The following TGFB2 variants were observed in gnomAD, a reference collection of about 807,000 sequenced individuals.
TGFB2 encodes transforming growth factor beta 2.
Under a neutral mutation model 42.7 loss-of-function variants are expected in TGFB2, and 13 were observed. The observed-to-expected ratio is 0.30, with a 90% CI of 0.20 to 0.48. The LOEUF is 0.48. TGFB2 is among the 20% of genes least tolerant of loss of function. TGFB2 has a pLI of 0.99. For missense variants in TGFB2, 390 were observed against 517.5 expected (o/e 0.75, Z 2.39); for synonymous variants, 193 against 193.6 (o/e 1.00, Z 0.03).
chr1:218,411,094 C>T (rs937408097), intron 2 of TGFB2, among the ~76,000 whole-genome samples: 4 of 152,144 alleles, frequency 2.6e-5, no homozygotes, highest in Admixed American at 6.5e-5. Flanking sequence ...GGACTTGGAG[C>T]TCTCCAGTAT....
rs142588546 is a variant in TGFB2 at position 218,434,180 on chromosome 1, A to G, written c.609A>G (p.Val203=). The G allele has an allele frequency of 3.7e-6, 6 of 1,614,094 alleles. No homozygotes were observed. Among genetic ancestry groups the G allele is most frequent in the Admixed American group, 1.7e-5 (1 of 60,010 alleles). The change falls in exon 3 of 7, where the codon GTA becomes GTG. Residue 203 remains valine, a synonymous_variant. Coordinates refer to ENST00000366930, the MANE Select transcript of TGFB2 (RefSeq NM_003238.6). ...AAGGCGAATGGCTCTCCTTCGATGT[A>G]ACTGATGCTGTTCATGAATGGCTTC... ...RAEGEWLSFD[V]TDAVHEWLHH...
chr1:218,367,457 ATT>A (rs1657423309), intron 1 of TGFB2, among the ~76,000 whole-genome samples: 1 of 152,162 alleles, frequency 6.6e-6, no homozygotes, highest in Admixed American at 6.5e-5. Flanking sequence ...ATCACTTGGT[ATT>A]TTCTTTGTGC....
At chr1:218,353,611 C>T (rs1482369038) in intron 1 of TGFB2, among the ~76,000 whole-genome samples, 1 of 152,146 alleles carries the variant, frequency 6.6e-6, no homozygotes, top group African/African-American at 2.4e-5. Context: ...TTTAAAAATC[C>T]TTCTGCCTGG....
intron 2 of TGFB2, among the ~76,000 whole-genome samples, chr1:218,426,209 TAAC>T (rs1391522816): frequency 1.3e-5 from 2 of 152,228 alleles, no homozygotes; most frequent in Non-Finnish European, 2.9e-5. Context: ...ATTTGGAAAG[TAAC>T]ATTGAATTCC....
intron 2 of TGFB2, among the ~76,000 whole-genome samples, chr1:218,410,013 C>T (rs1659044658): frequency 6.6e-6 from 1 of 152,214 alleles, no homozygotes; most frequent in Non-Finnish European, 1.5e-5. Context: ...TTTACGAAGA[C>T]TAACCACAGT....
At chr1:218,357,939 T>C (rs1657093424) in intron 1 of TGFB2, among the ~76,000 whole-genome samples, 1 of 152,196 alleles carries the variant, frequency 6.6e-6, no homozygotes, top group African/African-American at 2.4e-5. Context: ...ATCTTTTTGG[T>C]CTTCTGAAAG....
At chr1:218,431,291 G>A (rs536334254) in intron 2 of TGFB2, among the ~76,000 whole-genome samples, 1 of 152,228 alleles carries the variant, frequency 6.6e-6, no homozygotes, top group African/African-American at 2.4e-5. Context: ...TCTCCTAGTA[G>A]GATTTAAAAG....
At chr1:218,387,968 A>G (rs1658192253) in intron 1 of TGFB2, among the ~76,000 whole-genome samples, 1 of 151,826 alleles carries the variant, frequency 6.6e-6, no homozygotes, top group African/African-American at 2.4e-5. Context: ...GCATTATTCT[A>G]CATGGAAATG....
At position 218,432,270 on chromosome 1, in the gene TGFB2, G is replaced by A. The variant is rs139571690; in HGVS notation, c.511-1812G>A. 2.0e-3 allele frequency among the ~76,000 whole-genome samples: 302 copies of A among 152,266 alleles called. 1 individual carries two copies. Among genetic ancestry groups the A allele is most frequent in the Middle Eastern group, 0.014 (4 of 294 alleles). ...TAATGCATGCCAAGCCCAGAGCGTA[G>A]TGTACCCAGCCCTCAAGTCATGTTT... On this transcript the variant is annotated intron_variant, in intron 2 of 6. Coordinates refer to ENST00000366930, the MANE Select transcript of TGFB2 (RefSeq NM_003238.6).
intron 1 of TGFB2, among the ~76,000 whole-genome samples, chr1:218,378,608 C>T (rs1310872135): frequency 1.3e-5 from 2 of 152,100 alleles, no homozygotes; most frequent in Non-Finnish European, 2.9e-5. Flanking sequence ...GCCACCGTGC[C>T]CAGCCTGTTC....
At chr1:218,382,182 C>T (rs1465989162) in intron 1 of TGFB2, among the ~76,000 whole-genome samples, 1 of 152,132 alleles carries the variant, frequency 6.6e-6, no homozygotes, top group Admixed American at 6.5e-5. Context: ...CATCCCCCTC[C>T]CCACCTCCTG....
At chr1:218,392,315 T>G (rs939653082) in intron 1 of TGFB2, among the ~76,000 whole-genome samples, 2 of 152,114 alleles carry the variant, frequency 1.3e-5, no homozygotes, top group African/African-American at 4.8e-5. Flanking sequence ...ATCATGCCAC[T>G]GCACTCCAGC....
At chr1:218,366,549 A>C (rs1657394245) in intron 1 of TGFB2, among the ~76,000 whole-genome samples, 1 of 152,146 alleles carries the variant, frequency 6.6e-6, no homozygotes, top group Non-Finnish European at 1.5e-5. Flanking sequence ...GACCTCACAC[A>C]GTCCTCCTGC....
chr1:218,369,402 G>T (rs1436221314), intron 1 of TGFB2, among the ~76,000 whole-genome samples: 1 of 151,190 alleles, frequency 6.6e-6, no homozygotes, highest in South Asian at 2.1e-4. Flanking sequence ...ATCTCAAACA[G>T]ACCTGCCTTA....
chr1:218,388,176 G>T (rs1056096438), intron 1 of TGFB2, among the ~76,000 whole-genome samples: 4 of 152,182 alleles, frequency 2.6e-5, no homozygotes, highest in Non-Finnish European at 5.9e-5. Flanking sequence ...ATAAAAAAGG[G>T]GTAATGTGCA....
intron 1 of TGFB2, among the ~76,000 whole-genome samples, chr1:218,362,663 G>C (rs1030984573): frequency 6.6e-6 from 1 of 152,186 alleles, no homozygotes; most frequent in African/African-American, 2.4e-5. Context: ...GGGGGAGGGG[G>C]TGTGCTTTCT....
chr1:218,351,793 G>A (rs1303949638), intron 1 of TGFB2, among the ~76,000 whole-genome samples: 3 of 152,108 alleles, frequency 2.0e-5, no homozygotes, highest in African/African-American at 7.2e-5. Flanking sequence ...TTTCTCCCTG[G>A]TGAAAAGATG....
intron 2 of TGFB2, among the ~76,000 whole-genome samples, chr1:218,424,707 A>G (rs996630095): frequency 3.3e-5 from 5 of 152,232 alleles, no homozygotes; most frequent in African/African-American, 1.2e-4. Context: ...TTTGGAGTGG[A>G]AAAATCTGAC....
chr1:218,349,634 T>C (rs1363962621), intron 1 of TGFB2, among the ~76,000 whole-genome samples: 1 of 152,240 alleles, frequency 6.6e-6, no homozygotes, highest in Non-Finnish European at 1.5e-5. Flanking sequence ...GCTCTAATTA[T>C]ACTCAATGAG....
Sources: allele counts gnomAD v4.1 joint callset (sites outside exome capture counted in the v4.1 genomes callset), GRCh38; gene constraint gnomAD v4.1.1; transcripts MANE v1.5; gene names NCBI Gene and HGNC (gene_info 2026-07-23, HGNC 2026-07-21).